The following ANGPT4 variants were observed in gnomAD, a reference collection of about 807,000 sequenced individuals.
ANGPT4 encodes the protein angiopoietin-4.
A neutral mutation model predicts 53.0 loss-of-function variants in ANGPT4; 50 were observed. The observed-to-expected ratio is 0.94, with a 90% CI of 0.75 to 1.20. ANGPT4 has a LOEUF of 1.20. ANGPT4 is among the 50% of genes most tolerant of loss of function. The pLI is 0.00. For missense variants in ANGPT4, 648 were observed against 637.1 expected (o/e 1.02, Z -0.18); for synonymous variants, 251 against 259.7 (o/e 0.97, Z 0.32).
At chr20:904,426 A>G (rs1982402111) in intron 1 of ANGPT4, among the ~76,000 whole-genome samples, 1 of 152,218 alleles carries the variant, frequency 6.6e-6, no homozygotes, top group East Asian at 1.9e-4. Context: ...AGCTGCTTGA[A>G]ATTCCATCTA....
Position 886,385 on chromosome 20 carries a change from T to C in ANGPT4, c.588-1060A>G, listed in dbSNP as rs369376196. ...GTGGAGAAAAAAATGAGCAAGCATG[T>C]CATGCAGTTATAGAATCTTTCCAAG... On this transcript the variant is annotated intron_variant, in intron 3 of 8. Transcript: ENST00000381922. 3.8e-4 allele frequency among the ~76,000 whole-genome samples: 58 copies of C among 152,350 alleles called. No individual in the cohort carries two copies. In the East Asian group the frequency reaches 9.8e-3, roughly 26 times the overall value.
intron 1 of ANGPT4, among the ~76,000 whole-genome samples, chr20:910,260 G>A (rs1464624509): frequency 1.3e-5 from 2 of 152,166 alleles, no homozygotes; most frequent in Non-Finnish European, 2.9e-5. Flanking sequence ...AGAATTAAAT[G>A]CCGTAACATA....
Position 885,247 on chromosome 20 carries a change from C to T in ANGPT4, c.666G>A (p.Lys222=). ...ELASILSKKA[K]LLNTLSRQSA... The stretch of plus-strand genomic sequence containing the variant: ...TCTGGCGGCTCAGCGTGTTCAGCAG[C>T]TTCGCCTTCTTGCTGAGGATGCTGG... The change falls in exon 4 of 9, where the codon AAG becomes AAA. Residue 222 remains lysine, a synonymous_variant. Transcript: ENST00000381922. 6.3e-7 allele frequency: 1 copy of T among 1,582,932 alleles called. No homozygotes were observed. The highest frequency in any genetic ancestry group is 8.6e-7 in the Non-Finnish European group (1 of 1,164,526).
intron 1 of ANGPT4, among the ~76,000 whole-genome samples, chr20:907,757 A>G (rs753170371): frequency 1.3e-5 from 2 of 152,164 alleles, no homozygotes; most frequent in Non-Finnish European, 2.9e-5. Context: ...ATCATGTGAC[A>G]GCGCCCCTGC....
rs541285678 is a variant in ANGPT4, at chr20:874,404, C to A, written c.1231G>T (p.Val411Phe). ...CGCCCTGCTGAGCCGCTGTACCCGA[C>A]CACAGAAAGCCTGGAGGCCACCCAG... ...SENQLYRLSV[V>F]GYSGSAGRQS... The change falls in exon 8 of 9, where the codon GTC becomes TTC. Residue 411 changes from valine to phenylalanine, a missense_variant. Transcript: ENST00000381922. The A allele has an allele frequency of 6.2e-7, 1 of 1,613,474 alleles. No individual in the cohort carries two copies.
At chr20:890,161 C>T (rs182238005) in intron 2 of ANGPT4, 52 bp downstream of exon 2, 3 of 1,584,352 alleles carry the variant, frequency 1.9e-6, no homozygotes, top group Middle Eastern at 1.7e-4. Context: ...GGGCTACGAA[C>T]CAGCCTGGCC....
intron 7 of ANGPT4, among the ~76,000 whole-genome samples, chr20:877,642 G>T (rs1323351255): frequency 1.3e-5 from 2 of 152,206 alleles, no homozygotes; most frequent in African/African-American, 4.8e-5. Context: ...GGCTGAGGAA[G>T]GGGTGAGAAA....
intron 1 of ANGPT4, among the ~76,000 whole-genome samples, chr20:910,803 C>T (rs1982666670): frequency 6.6e-6 from 1 of 152,114 alleles, no homozygotes; most frequent in Non-Finnish European, 1.5e-5. Context: ...GGGTCTGCTG[C>T]TGCTGGTGCC....
chr20:873,485 C>T (rs1600036951), intron 8 of ANGPT4, among the ~76,000 whole-genome samples: 1 of 151,954 alleles, frequency 6.6e-6, no homozygotes, highest in Non-Finnish European at 1.5e-5. Context: ...CTGTCACTCT[C>T]TCTGAGTCTC....
chr20:900,149 T>C (rs1451059700), intron 1 of ANGPT4, among the ~76,000 whole-genome samples: 1 of 152,196 alleles, frequency 6.6e-6, no homozygotes, highest in Admixed American at 6.5e-5. Flanking sequence ...CTTTAAGACA[T>C]TTACCTTGTA....
chr20:908,294 C>A lies in ANGPT4; in HGVS notation c.309+7612G>T, dbSNP rs1294145906. Among the ~76,000 whole-genome samples, 2 of 152,176 alleles carry A rather than the reference C, an allele frequency of 1.3e-5. No individual in the cohort carries two copies. The highest frequency in any genetic ancestry group is 1.5e-5 in the Non-Finnish European group (1 of 68,042). ...GCACTCCAGTCTCATCTTGGCCATG[C>A]TCTCCTCGCTCTCTGCACTGTAGAC... On this transcript the variant is annotated intron_variant, in intron 1 of 8. Coordinates refer to ENST00000381922, the MANE Select transcript of ANGPT4 (RefSeq NM_015985.4). This position sits in a 1 kb window ranked among gnomAD's most constrained non-coding sequence, Gnocchi z 4.9.
At chr20:892,343 C>T (rs1276903481) in intron 1 of ANGPT4, among the ~76,000 whole-genome samples, 11 of 152,134 alleles carry the variant, frequency 7.2e-5, no homozygotes, top group Non-Finnish European at 2.9e-5. Context: ...CACCTATAAT[C>T]CCAGTACTTT....
chr20:913,724 TC>T (rs1982802218), intron 1 of ANGPT4, among the ~76,000 whole-genome samples: 1 of 152,160 alleles, frequency 6.6e-6, no homozygotes, highest in Admixed American at 6.5e-5. Flanking sequence ...GATGACAGCA[TC>T]CTGGGAAAGA....
rs1199646109 is a variant in ANGPT4, at chr20:911,035, C to T, written c.309+4871G>A. Among the ~76,000 whole-genome samples, 2 of 152,198 alleles carry T rather than the reference C, an allele frequency of 1.3e-5. No individual in the cohort carries two copies. The highest frequency in any genetic ancestry group is 2.4e-5 in the African/African-American group (1 of 41,448). On this transcript the variant is annotated intron_variant, in intron 1 of 8. Transcript: ENST00000381922. The surrounding 1 kb of genome is among the most constrained non-coding windows in gnomAD (Gnocchi z 4.9). ...CAAGATATTTTGTTCGGCACCGAGA[C>T]TCATTTCTTGTTTGGATAACTGAAG... is the stretch of plus-strand genomic sequence containing the variant.
At position 870,790 on chromosome 20, in the gene ANGPT4, C is replaced by CTGGG. The variant is rs1455501210; in HGVS notation, c.*2166_*2169dup. The CTGGG allele has an allele frequency of 1.3e-5, 2 of 152,202 alleles. No homozygotes were observed. Among genetic ancestry groups the CTGGG allele is most frequent in the African/African-American group, 2.4e-5 (1 of 41,440 alleles). 9.4% of individuals were successfully genotyped at this position (152,202 alleles called of 1,614,324 possible). On this transcript the variant is annotated 3_prime_UTR_variant, in exon 9 of 9. Transcript: ENST00000381922. Reference sequence around the variant, plus strand: ...AGTGCAGGAGAAGGGGCGGCATGTGCTGGGGAATGCCTTCCTCACCCCATT... The same window carrying CTGGG: ...AGTGCAGGAGAAGGGGCGGCATGTGCTGGGTGGGGAATGCCTTCCTCACCCCATT...
At chr20:915,800 A>T (rs1200791757) in intron 1 of ANGPT4, 106 bp downstream of exon 1, 1 of 1,343,584 alleles carries the variant, frequency 7.4e-7, no homozygotes, top group Non-Finnish European at 1.0e-6. Context: ...GCTCAGAGAC[A>T]GCCCTCTGTG....
chr20:902,284 T>A lies in ANGPT4; in HGVS notation c.310-11916A>T, dbSNP rs182438213. ...ATAAACACTAGGAGTCCCTAACTGATGTCCTGGACCCCCAGGGATCTGTGA... is the reference window on the plus strand; with the variant it reads ...ATAAACACTAGGAGTCCCTAACTGAAGTCCTGGACCCCCAGGGATCTGTGA... On this transcript the variant is annotated intron_variant, in intron 1 of 8. Coordinates refer to ENST00000381922, the MANE Select transcript of ANGPT4 (RefSeq NM_015985.4). 6.8e-4 allele frequency among the ~76,000 whole-genome samples: 104 copies of A among 152,206 alleles called. 1 individual carries two copies. Among genetic ancestry groups the A allele is most frequent in the African/African-American group, 1.6e-3 (66 of 41,510 alleles).
intron 7 of ANGPT4, 61 bp from the exon 8 acceptor site, chr20:874,475 G>T: frequency 6.3e-7 from 1 of 1,594,524 alleles, no homozygotes; most frequent in South Asian, 1.1e-5. Flanking sequence ...GGGCTGTGTC[G>T]AGCAAGAACT....
chr20:913,494 C>T (rs1982790100), intron 1 of ANGPT4, among the ~76,000 whole-genome samples: 1 of 152,218 alleles, frequency 6.6e-6, no homozygotes, highest in African/African-American at 2.4e-5. Flanking sequence ...GGTGACCTGA[C>T]TGACCCTAGC....
Sources: allele counts gnomAD v4.1 joint callset (sites outside exome capture counted in the v4.1 genomes callset), GRCh38; gene constraint gnomAD v4.1.1; non-coding constraint Gnocchi (gnomAD v3.1); transcripts MANE v1.5; gene names NCBI Gene and HGNC (gene_info 2026-07-23, HGNC 2026-07-21).